CLSTN2: variants seen among roughly 807,000 people sequenced by gnomAD.
The protein encoded by CLSTN2 is calsyntenin-2.
In CLSTN2, 48 loss-of-function variants were observed where a neutral mutation model predicts 101.2. The ratio of observed to expected loss-of-function variants is 0.47; its 90% CI spans 0.38 to 0.60. The LOEUF (loss-of-function observed/expected upper bound fraction) is 0.60. Among genes scored for constraint, CLSTN2 ranks in the 20% least tolerant of loss-of-function variants. The pLI, the probability that CLSTN2 is intolerant of heterozygous loss-of-function variation, is 0.00. For missense variants in CLSTN2, 1,160 were observed against 1,238.2 expected (o/e 0.94, Z 0.95); for synonymous variants, 481 against 463.6 (o/e 1.04, Z -0.48).
chr3:140,076,548 C>T lies in CLSTN2; in HGVS notation c.110-99403C>T, dbSNP rs186040602. Among the ~76,000 whole-genome samples the T allele has an allele frequency of 3.9e-4, 58 of 150,608 alleles. 1 individual carries two copies. In the East Asian group the frequency reaches 6.1e-3, roughly 16 times the overall value. On this transcript the variant is annotated intron_variant, in intron 1 of 16. Transcript: ENST00000458420. ...TTGAGTGGCTGATGGATGTCAATGC[C>T]GGCCTCCCACACTCTGGCTGACAGG... is the stretch of plus-strand genomic sequence containing the variant.
chr3:140,047,621 G>C (rs755023433), intron 1 of CLSTN2, among the ~76,000 whole-genome samples: 4 of 152,184 alleles, frequency 2.6e-5, no homozygotes, highest in Non-Finnish European at 5.9e-5. Flanking sequence ...AGAAGCCCAA[G>C]GTTGAGGGGT....
chr3:140,138,273 G>A (rs2009644932), intron 1 of CLSTN2, among the ~76,000 whole-genome samples: 1 of 152,194 alleles, frequency 6.6e-6, no homozygotes, highest in East Asian at 1.9e-4. Context: ...GACAGGGACA[G>A]CTTAAAAAGG....
At chr3:140,382,866 C>T (rs548595231) in intron 2 of CLSTN2, among the ~76,000 whole-genome samples, 1 of 151,476 alleles carries the variant, frequency 6.6e-6, no homozygotes, top group East Asian at 2.0e-4. Flanking sequence ...CAGAACTCTG[C>T]CCTTATGTCC....
At chr3:140,345,264 T>TTTTTTG (rs1241144183) in intron 2 of CLSTN2, among the ~76,000 whole-genome samples, 3 of 149,712 alleles carry the variant, frequency 2.0e-5, no homozygotes, top group Non-Finnish European at 1.5e-5. Context: ...TTTTTTTTTT[T>TTTTTTG]TGAGACAGAG....
chr3:140,466,474 C>A, intron 7 of CLSTN2, 136 bp from the exon 8 acceptor site: 1 of 971,936 alleles, frequency 1.0e-6, no homozygotes, highest in Non-Finnish European at 1.6e-6. Flanking sequence ...TCATCAGAGC[C>A]TGTTGTAAAT....
At chr3:140,290,383 G>A (rs1179225275) in intron 2 of CLSTN2, among the ~76,000 whole-genome samples, 2 of 152,136 alleles carry the variant, frequency 1.3e-5, no homozygotes, top group Non-Finnish European at 2.9e-5. Flanking sequence ...AACATAGTAG[G>A]AGGAGCCCAC....
At chr3:140,000,848 A>G (rs1366671521) in intron 1 of CLSTN2, among the ~76,000 whole-genome samples, 1 of 152,162 alleles carries the variant, frequency 6.6e-6, no homozygotes. Context: ...AAGCCATTCC[A>G]TGAGACTTCA....
In CLSTN2 at chr3:140,448,399, A is replaced by G. The variant is rs189022624; in HGVS notation, c.788-120A>G. On this transcript the variant is annotated intron_variant, in intron 5 of 16. Coordinates refer to ENST00000458420, the MANE Select transcript of CLSTN2 (RefSeq NM_022131.3). ...GCCATTATTCTCAAACTGTTCCCTA[A>G]TATCTAATATATGTGTTGGGGCAAA... 918 of 787,592 alleles carry G rather than the reference A, an allele frequency of 1.2e-3. 7 individuals carry two copies. The highest frequency in any genetic ancestry group is 5.0e-3 in the Middle Eastern group (13 of 2,584). The allele number at this position is 787,592 out of a possible 1,614,324, so 48.8% of individuals were successfully genotyped here.
chr3:140,158,521 A>G (rs768124241), intron 1 of CLSTN2, among the ~76,000 whole-genome samples: 16 of 152,172 alleles, frequency 1.1e-4, no homozygotes, highest in Non-Finnish European at 1.9e-4. Flanking sequence ...AGGAGAACTA[A>G]AAAACACTGC....
At chr3:140,322,072 C>T (rs2087288950) in intron 2 of CLSTN2, among the ~76,000 whole-genome samples, 1 of 152,226 alleles carries the variant, frequency 6.6e-6, no homozygotes, top group African/African-American at 2.4e-5. Context: ...CTGGGACAGG[C>T]ACCTTGCTCA....
At chr3:140,369,790 T>G (rs1361341783) in intron 2 of CLSTN2, among the ~76,000 whole-genome samples, 1 of 152,110 alleles carries the variant, frequency 6.6e-6, no homozygotes, top group East Asian at 1.9e-4. Context: ...AATTAAAACC[T>G]CTAATTGCAG....
chr3:140,520,754 T>C (rs1935006832), intron 8 of CLSTN2, among the ~76,000 whole-genome samples: 1 of 152,212 alleles, frequency 6.6e-6, no homozygotes, highest in Non-Finnish European at 1.5e-5. Context: ...TCAAGTATGT[T>C]TTCCAAGTTG....
intron 4 of CLSTN2, among the ~76,000 whole-genome samples, chr3:140,411,929 G>T (rs1262285103): frequency 6.6e-6 from 1 of 152,226 alleles, no homozygotes; most frequent in Non-Finnish European, 1.5e-5. Flanking sequence ...GGAAGTGCAG[G>T]CTGGTAGAGA....
At chr3:140,441,135 G>A (rs1363038855) in intron 5 of CLSTN2, among the ~76,000 whole-genome samples, 2 of 152,184 alleles carry the variant, frequency 1.3e-5, no homozygotes, top group Admixed American at 6.5e-5. Context: ...AAAGCAAGAA[G>A]CAAGACATTC....
intron 8 of CLSTN2, among the ~76,000 whole-genome samples, chr3:140,467,547 G>T (rs75999533): frequency 0.013 from 2,023 of 152,276 alleles, 23 homozygotes; most frequent in Middle Eastern, 0.051. Context: ...CAGAGGAAAT[G>T]ATGCCCTTTC....
At position 140,576,845 on chromosome 3, in the gene CLSTN2, T is replaced by C. The variant is rs1985746351; in HGVS notation, c.*10592T>C. Reference sequence around the variant, plus strand: ...GAATCTTTTTAGTCTAGAAAATGTGTTTATTTGATAAATATACTATTGTGT... The same window carrying C: ...GAATCTTTTTAGTCTAGAAAATGTGCTTATTTGATAAATATACTATTGTGT... On this transcript the variant is annotated 3_prime_UTR_variant, in exon 17 of 17. Coordinates refer to ENST00000458420, the MANE Select transcript of CLSTN2 (RefSeq NM_022131.3). 6.6e-6 allele frequency: 1 copy of C among 152,256 alleles called. No individual in the cohort carries two copies. Among genetic ancestry groups the C allele is most frequent in the African/African-American group, 2.4e-5 (1 of 41,478 alleles). The allele number at this position is 152,256 out of a possible 1,614,324, so 9.4% of individuals were successfully genotyped here.
At chr3:140,108,739 G>A (rs992185245) in intron 1 of CLSTN2, among the ~76,000 whole-genome samples, 3 of 152,132 alleles carry the variant, frequency 2.0e-5, no homozygotes, top group African/African-American at 7.2e-5. Context: ...GTATTTTGAA[G>A]CCCTATTTCT....
intron 1 of CLSTN2, among the ~76,000 whole-genome samples, chr3:140,022,870 A>G (rs549948978): frequency 2.2e-4 from 34 of 152,294 alleles, no homozygotes; most frequent in African/African-American, 8.2e-4. Flanking sequence ...TGAACAGGAC[A>G]TATGGAAAGG....
At chr3:140,237,963 T>G (rs2086431189) in intron 2 of CLSTN2, among the ~76,000 whole-genome samples, 1 of 152,226 alleles carries the variant, frequency 6.6e-6, no homozygotes, top group Non-Finnish European at 1.5e-5. Flanking sequence ...AAAGCATTTC[T>G]GTAAATCAAG....
Sources: gnomAD v4.1 joint callset for allele counts (sites outside exome capture counted in the v4.1 genomes callset) on GRCh38, gnomAD v4.1.1 for gene constraint, MANE v1.5 for transcripts, NCBI Gene and HGNC (gene_info 2026-07-23, HGNC 2026-07-21) for gene names.